Variants in BRINP2 observed in about 807,000 individuals in gnomAD.
BRINP2 encodes the protein BMP/retinoic acid inducible neural specific 2.
In BRINP2, 21 loss-of-function variants were observed where a neutral mutation model predicts 69.2. That is an observed-to-expected ratio of 0.30 (90% CI 0.22 to 0.44). The LOEUF is 0.44. BRINP2 is among the 20% of genes least tolerant of loss of function. The pLI is 1.00. For missense variants in BRINP2, 877 were observed against 986.0 expected (o/e 0.89, Z 1.48); for synonymous variants, 380 against 394.1 (o/e 0.96, Z 0.42).
Position 177,257,451 on chromosome 1 carries a change from CCTCAACCAT to C in BRINP2, c.669+71_669+79del, listed in dbSNP as rs1650807388. 2.1e-6 allele frequency: 3 copies of C among 1,422,600 alleles called. No homozygotes were observed. The African/African-American group carries it at 4.3e-5, about 20-fold the overall frequency. 88.1% of individuals were successfully genotyped at this position (1,422,600 alleles called of 1,614,324 possible). A position where few individuals can be genotyped will look rare whatever the true frequency, so the allele number is the denominator to read the frequency against. On this transcript the variant is annotated intron_variant, in intron 4 of 7. Transcript: ENST00000361539. Reference sequence around the variant, plus strand: ...CTGAGGAACCAGGGGGAGGCCAGAGCCTCAACCATCTCTAGGTCAGCTGGGCCGACTGAT... The same window carrying C: ...CTGAGGAACCAGGGGGAGGCCAGAGCCTCTAGGTCAGCTGGGCCGACTGAT...
chr1:177,264,563 C>A (rs998862619), intron 4 of BRINP2, among the ~76,000 whole-genome samples: 1 of 152,154 alleles, frequency 6.6e-6, no homozygotes, highest in Non-Finnish European at 1.5e-5. Context: ...AAAACCCCAT[C>A]GTCTCAGCCC....
intron 4 of BRINP2, among the ~76,000 whole-genome samples, chr1:177,264,987 G>A (rs971871783): frequency 3.9e-5 from 6 of 152,116 alleles, no homozygotes; most frequent in South Asian, 4.1e-4. Flanking sequence ...AATAGAGCCC[G>A]CGTAGCCAAG....
chr1:177,216,906 T>C (rs1028763222), intron 1 of BRINP2, among the ~76,000 whole-genome samples: 1 of 152,018 alleles, frequency 6.6e-6, no homozygotes, highest in African/African-American at 2.4e-5. Flanking sequence ...ATGTATTTCT[T>C]ATCTCTTGCT....
At chr1:177,187,547 C>G (rs1311656206) in intron 1 of BRINP2, among the ~76,000 whole-genome samples, 1 of 152,154 alleles carries the variant, frequency 6.6e-6, no homozygotes, top group Non-Finnish European at 1.5e-5. Flanking sequence ...GAGGATGGAG[C>G]CTTGCAGCTT....
intron 4 of BRINP2, among the ~76,000 whole-genome samples, chr1:177,272,132 T>C (rs2102359504): frequency 6.6e-6 from 1 of 152,324 alleles, no homozygotes; most frequent in South Asian, 2.1e-4. Flanking sequence ...ATTTCCTCTC[T>C]TCCCACCTGT....
chr1:177,213,373 G>A (rs577660557), intron 1 of BRINP2, among the ~76,000 whole-genome samples: 6 of 152,028 alleles, frequency 3.9e-5, no homozygotes, highest in South Asian at 2.1e-4. Flanking sequence ...AACCAGAAGC[G>A]TCTCTAGATA....
Position 177,281,752 on chromosome 1 carries a change from G to T in BRINP2, c.*224G>T. ...CACACACACACACTGGCACAGGGAG[G>T]CTACAACTAAGCAGCCTCAGATCTG... On this transcript the variant is annotated 3_prime_UTR_variant, in exon 8 of 8. Transcript: ENST00000361539. 1 of 454,870 alleles carries T rather than the reference G, an allele frequency of 2.2e-6. No individual in the cohort carries two copies. 28.2% of individuals were successfully genotyped at this position (454,870 alleles called of 1,614,324 possible).
At chr1:177,237,457 C>T (rs1253807974) in intron 2 of BRINP2, among the ~76,000 whole-genome samples, 1 of 152,178 alleles carries the variant, frequency 6.6e-6, no homozygotes, top group Non-Finnish European at 1.5e-5. Flanking sequence ...AGAATGAATT[C>T]TTAGGATGCC....
At chr1:177,248,622 G>A (rs759960185) in intron 2 of BRINP2, among the ~76,000 whole-genome samples, 4 of 152,070 alleles carry the variant, frequency 2.6e-5, no homozygotes, top group Non-Finnish European at 5.9e-5. Flanking sequence ...CTGGAAACTG[G>A]TGCTTCTGTG....
At chr1:177,199,751 AG>A in intron 1 of BRINP2, among the ~76,000 whole-genome samples, 1 of 152,216 alleles carries the variant, frequency 6.6e-6, no homozygotes, top group Non-Finnish European at 1.5e-5. Flanking sequence ...ACAGGAAAAA[AG>A]TAGAAGACTT....
chr1:177,256,267 A>G (rs925688335), intron 3 of BRINP2, 158 bp downstream of exon 3: 2 of 971,346 alleles, frequency 2.1e-6, no homozygotes, highest in South Asian at 4.8e-5. Context: ...GTCTCTTGAC[A>G]TCTCAATTTA....
chr1:177,218,712 G>A (rs1649443780), intron 1 of BRINP2, among the ~76,000 whole-genome samples: 1 of 152,142 alleles, frequency 6.6e-6, no homozygotes, highest in Admixed American at 6.5e-5. Flanking sequence ...GTGTGGCACT[G>A]TGCTGACTTA....
At chr1:177,269,975 CT>C (rs1475903504) in intron 4 of BRINP2, among the ~76,000 whole-genome samples, 6 of 150,568 alleles carry the variant, frequency 4.0e-5, no homozygotes, top group African/African-American at 1.5e-4. Context: ...TATAGGCTCT[CT>C]TTATAATCTG....
At chr1:177,208,514 C>T (rs533436116) in intron 1 of BRINP2, among the ~76,000 whole-genome samples, 3 of 152,348 alleles carry the variant, frequency 2.0e-5, no homozygotes, top group Admixed American at 2.0e-4. Flanking sequence ...CTGCTGGTAA[C>T]TGCCCTTCAG....
chr1:177,229,843 G>A lies in BRINP2; in HGVS notation c.-34G>A, dbSNP rs772035276. ...GCAGCACGGAGCGGGAGAGCGTGGCGAGAGAATGAAGAAACCAATCGCCCG... is the reference window on the plus strand; with the variant it reads ...GCAGCACGGAGCGGGAGAGCGTGGCAAGAGAATGAAGAAACCAATCGCCCG... On this transcript the variant is annotated 5_prime_UTR_variant, in exon 2 of 8. Coordinates refer to ENST00000361539, the MANE Select transcript of BRINP2 (RefSeq NM_021165.4). The A allele has an allele frequency of 9.0e-6, 14 of 1,548,140 alleles. No individual in the cohort carries two copies. In the Admixed American group the frequency reaches 2.4e-4, roughly 27 times the overall value.
rs765607642 is a variant in BRINP2 at position 177,280,394 on chromosome 1, T to G, written c.1236-18T>G. 1.9e-6 allele frequency: 3 copies of G among 1,567,640 alleles called. No individual in the cohort carries two copies. The highest frequency in any genetic ancestry group is 2.6e-6 in the Non-Finnish European group (3 of 1,156,062). ...GACTTCTTTTGACTCTTACTTCATT[T>G]TATCTCTGCTCCCCAAGGTCCTTGT... is the stretch of plus-strand genomic sequence containing the variant. On this transcript the variant is annotated intron_variant, in intron 7 of 7. Transcript: ENST00000361539.
intron 1 of BRINP2, among the ~76,000 whole-genome samples, chr1:177,229,589 C>T (rs1649800168): frequency 3.9e-5 from 6 of 152,182 alleles, no homozygotes; most frequent in Admixed American, 3.9e-4. Flanking sequence ...ATCTTCTTAT[C>T]TGTGAAATGA....
chr1:177,182,053 T>A (rs948826630), intron 1 of BRINP2, among the ~76,000 whole-genome samples: 1 of 152,136 alleles, frequency 6.6e-6, no homozygotes, highest in Admixed American at 6.6e-5. Flanking sequence ...GAGGGACAGT[T>A]GCATTTGCAG....
chr1:177,275,243 G>C (rs532437087), intron 5 of BRINP2: 2 of 456,274 alleles, frequency 4.4e-6, no homozygotes, highest in African/African-American at 2.0e-5. Flanking sequence ...TTCTGCTGTA[G>C]GTAAACTGGT....
Sources: gnomAD v4.1 joint callset for allele counts (sites outside exome capture counted in the v4.1 genomes callset) on GRCh38, gnomAD v4.1.1 for gene constraint, MANE v1.5 for transcripts, NCBI Gene and HGNC (gene_info 2026-07-23, HGNC 2026-07-21) for gene names.